The following PMM2 variants were observed in gnomAD, a reference collection of about 807,000 sequenced individuals.
The protein encoded by PMM2 is mannose-6-phosphate isomerase.
A neutral mutation model predicts 33.2 loss-of-function variants in PMM2; 35 were observed. The ratio of observed to expected loss-of-function variants is 1.06; its 90% CI spans 0.81 to 1.40. The LOEUF (loss-of-function observed/expected upper bound fraction) is 1.40. PMM2 is among the 40% of genes most tolerant of loss of function. The probability of loss-of-function intolerance (pLI) is 0.00; values close to 1 mark genes in which losing one functional copy is unlikely to be tolerated. For synonymous variants in PMM2, 153 were observed against 114.7 expected, an observed-to-expected ratio of 1.33 and a Z score of -2.13; for missense variants, 386 against 306.0, an observed-to-expected ratio of 1.26 and a Z score of -1.95.
At chr16:8,802,256 G>A in intron 2 of PMM2, 2 of 452,496 alleles carry the variant, frequency 4.4e-6, no homozygotes, top group Non-Finnish European at 8.9e-6. Flanking sequence ...TTGTCCCTCT[G>A]ACAGCCCCCC....
intron 7 of PMM2, among the ~76,000 whole-genome samples, chr16:8,826,213 A>G (rs1190607616): frequency 1.3e-5 from 2 of 152,194 alleles, no homozygotes; most frequent in East Asian, 3.8e-4. Flanking sequence ...ACAAACCTAC[A>G]ATTTGCTTAA....
chr16:8,832,060 T>C lies in PMM2; in HGVS notation c.640-15664T>C, dbSNP rs1476754556. The C allele has an allele frequency of 5.0e-6, 4 of 804,414 alleles. No homozygotes were observed. The African/African-American group carries it at 7.5e-5, about 15-fold the overall frequency. The allele number at this position is 804,414 out of a possible 1,614,324, so 49.8% of individuals were successfully genotyped here. A position where few individuals can be genotyped will look rare whatever the true frequency, so the allele number is the denominator to read the frequency against. The stretch of plus-strand genomic sequence containing the variant: ...AATTTCCGGTTCTCTAGCCTTATTA[T>C]TCTAGAGGGCAGCCAGCTTTCCTTT... On this transcript the variant is annotated intron_variant, in intron 7 of 7. Coordinates refer to ENST00000268261, the MANE Select transcript of PMM2 (RefSeq NM_000303.3).
At position 8,847,798 on chromosome 16, in the gene PMM2, C is replaced by T. The variant is rs141562154; in HGVS notation, c.714C>T (p.Arg238=). 18 of 1,613,630 alleles carry T rather than the reference C, an allele frequency of 1.1e-5. No homozygotes were observed. The highest frequency in any genetic ancestry group is 1.5e-5 in the Non-Finnish European group (18 of 1,179,774). Residue 238 remains arginine (R), a synonymous_variant, in exon 8 of 8, where the codon CGC becomes CGT. Transcript: ENST00000268261. ...GYSVTAPEDT[R]RICELLFS ...CCGTGACAGCGCCTGAGGACACGCG[C>T]AGGATCTGTGAACTGCTGTTCTCCT...
Position 8,797,851 on chromosome 16 carries a change from T to G in PMM2, c.-32T>G. 1 of 1,607,294 alleles carries G rather than the reference T, an allele frequency of 6.2e-7. No homozygotes were observed. Among genetic ancestry groups the G allele is most frequent in the African/African-American group, 1.3e-5 (1 of 74,952 alleles). ...CCGGGCCGAGTTCCTCGTGCCAACG[T>G]GTCTTGTAAGGTGCGGCTAGAAACT... On this transcript the variant is annotated 5_prime_UTR_variant, in exon 1 of 8. Coordinates refer to ENST00000268261, the MANE Select transcript of PMM2 (RefSeq NM_000303.3).
At position 8,823,107 on chromosome 16, in the gene PMM2, A is replaced by G. The variant is rs1194973860; in HGVS notation, c.639+10001A>G. Among the ~76,000 whole-genome samples the G allele has an allele frequency of 2.0e-5, 3 of 152,202 alleles. No homozygotes were observed. In the East Asian group the frequency reaches 5.8e-4, roughly 29 times the overall value. ...AGTCAGTTTTCCTAGTCCTAAGACT[A>G]GATCAGTTCAGTTAAACAGCTGTTT... On this transcript the variant is annotated intron_variant, in intron 7 of 7. Transcript: ENST00000268261.
intron 7 of PMM2, among the ~76,000 whole-genome samples, chr16:8,843,543 G>A (rs1028206165): frequency 6.6e-6 from 1 of 152,104 alleles, no homozygotes; most frequent in Non-Finnish European, 1.5e-5. Flanking sequence ...GGCACGTGTA[G>A]CAAGCTCCTG....
At chr16:8,803,693 T>A (rs1333231793) in intron 2 of PMM2, among the ~76,000 whole-genome samples, 1 of 152,098 alleles carries the variant, frequency 6.6e-6, no homozygotes, top group Non-Finnish European at 1.5e-5. Flanking sequence ...TTATTTTATT[T>A]ATTTATTTAT....
In PMM2 at chr16:8,847,777, G is replaced by T. The variant is rs761946981; in HGVS notation, c.693G>T (p.Val231=). ...ACCCCAGAACCATGGGCTACTCCGT[G>T]ACAGCGCCTGAGGACACGCGCAGGA... ...FTDPRTMGYS[V]TAPEDTRRIC... The change falls in exon 8 of 8, where the codon GTG becomes GTT. Residue 231 remains valine, a synonymous_variant. Coordinates refer to ENST00000268261, the MANE Select transcript of PMM2 (RefSeq NM_000303.3). 3.7e-6 allele frequency: 6 copies of T among 1,614,082 alleles called. No individual in the cohort carries two copies. Among genetic ancestry groups the T allele is most frequent in the Non-Finnish European group, 5.1e-6 (6 of 1,179,988 alleles).
At chr16:8,813,857 C>CTTTTTTTTTTTTT (rs148507269) in intron 7 of PMM2, among the ~76,000 whole-genome samples, 1 of 89,138 alleles carries the variant, frequency 1.1e-5, no homozygotes, top group African/African-American at 4.3e-5. Context: ...TTTTCTTTCT[C>CTTTTTTTTTTTTT]TTTTTTTTTT....
intron 7 of PMM2, chr16:8,831,975 G>T (rs1419839983): frequency 4.8e-6 from 1 of 208,770 alleles, no homozygotes; most frequent in African/African-American, 2.4e-5. Flanking sequence ...CTTGGGAGGT[G>T]GCTGAGTTCC....
chr16:8,838,908 C>G (rs892190620), intron 7 of PMM2, among the ~76,000 whole-genome samples: 6 of 151,610 alleles, frequency 4.0e-5, no homozygotes, highest in African/African-American at 1.5e-4. Flanking sequence ...ATGCAGAGTC[C>G]TCTTTTTTCA....
chr16:8,804,044 T>TG (rs1567157657), intron 2 of PMM2, among the ~76,000 whole-genome samples: 1 of 142,092 alleles, frequency 7.0e-6, no homozygotes, highest in Non-Finnish European at 1.5e-5. Flanking sequence ...TTTTTTTTTT[T>TG]TTTTTTTGAC....
chr16:8,809,214 TATTTCCA>T (rs2060663776), intron 4 of PMM2: 1 of 152,142 alleles, frequency 6.6e-6, no homozygotes. Context: ...GGTCTCTCGG[TATTTCCA>T]ATGGCCAGTG....
intron 7 of PMM2, among the ~76,000 whole-genome samples, chr16:8,836,896 T>C (rs1186785868): frequency 6.6e-6 from 1 of 152,082 alleles, no homozygotes; most frequent in African/African-American, 2.4e-5. Flanking sequence ...ACTATGCCTT[T>C]AGCTCCAGCC....
At chr16:8,811,774 G>A in intron 6 of PMM2, 61 bp downstream of exon 6, 1 of 1,101,716 alleles carries the variant, frequency 9.1e-7, no homozygotes, top group South Asian at 1.2e-5. Flanking sequence ...TTTGTTGTGG[G>A]CCAGTGAGCT....
chr16:8,828,009 T>C (rs1236916623), intron 7 of PMM2, among the ~76,000 whole-genome samples: 2 of 125,640 alleles, frequency 1.6e-5, no homozygotes, highest in African/African-American at 5.9e-5. Context: ...ATTAAGCAGA[T>C]TTTAACTGTA....
At position 8,801,679 on chromosome 16, in the gene PMM2, A is replaced by T. The variant is rs12446822; in HGVS notation, c.67-120A>T. The T allele has an allele frequency of 0.062, 39,307 of 637,062 alleles. 1,631 individuals carry two copies. Among genetic ancestry groups the T allele is most frequent in the African/African-American group, 0.13 (7,032 of 53,166 alleles). 39.5% of individuals were successfully genotyped at this position (637,062 alleles called of 1,614,324 possible). A position where few individuals can be genotyped will look rare whatever the true frequency, so the allele number is the denominator to read the frequency against. On this transcript the variant is annotated intron_variant, in intron 1 of 7. Coordinates refer to ENST00000268261, the MANE Select transcript of PMM2 (RefSeq NM_000303.3). ...AAGTGAGACCCTATCTCAAAAAAAA[A>T]TTTTTTCTTTAATTTTTAAATAAGA...
intron 7 of PMM2, among the ~76,000 whole-genome samples, chr16:8,839,980 GA>G (rs1239199846): frequency 6.6e-6 from 1 of 151,030 alleles, no homozygotes; most frequent in Non-Finnish European, 1.5e-5. Flanking sequence ...GAAAGTAAAT[GA>G]GTTCTTCAGG....
In PMM2 at chr16:8,806,096, A is replaced by T. The variant is rs2304468; in HGVS notation, c.256-220A>T. Among the ~76,000 whole-genome samples, 43 of 152,320 alleles carry T rather than the reference A, an allele frequency of 2.8e-4. 1 individual carries two copies. In the East Asian group the frequency reaches 8.1e-3, roughly 29 times the overall value. On this transcript the variant is annotated intron_variant, in intron 3 of 7. Coordinates refer to ENST00000268261, the MANE Select transcript of PMM2 (RefSeq NM_000303.3). ...ATGAGTACAAAAATCTTGGGTGATG[A>T]AGCAGAAAATGCTTTTGACTAAAGC...
Sources: allele counts gnomAD v4.1 joint callset (sites outside exome capture counted in the v4.1 genomes callset), GRCh38; gene constraint gnomAD v4.1.1; transcripts MANE v1.5; gene names NCBI Gene and HGNC (gene_info 2026-07-23, HGNC 2026-07-21).